CSMD1: variants seen among roughly 807,000 people sequenced by gnomAD.
CSMD1 encodes CUB and sushi domain-containing protein 1.
CSMD1 carries 213 observed loss-of-function variants against 417.5 expected under a neutral mutation model. That is an observed-to-expected ratio of 0.51 (90% CI 0.46 to 0.57). The LOEUF (loss-of-function observed/expected upper bound fraction) is 0.57. CSMD1 is among the 20% of genes least tolerant of loss of function. The pLI is 0.00. For missense variants in CSMD1, 6,923 were observed against 4,529.7 expected, an observed-to-expected ratio of 1.53 and a Z score of -15.17; for synonymous variants, 2,862 against 1,736.8, an observed-to-expected ratio of 1.65 and a Z score of -16.11.
At chr8:3,244,926 G>A (rs911293043) in intron 26 of CSMD1, among the ~76,000 whole-genome samples, 18 of 152,130 alleles carry the variant, frequency 1.2e-4, no homozygotes, top group African/African-American at 4.3e-4. Context: ...AAGTAAAACT[G>A]ACTCCCTTCG....
rs191779969 is a variant in CSMD1 at position 3,531,298 on chromosome 8, G to C, written c.1345-37572C>G. Among the ~76,000 whole-genome samples, 5 of 152,194 alleles carry C rather than the reference G, an allele frequency of 3.3e-5. No individual in the cohort carries two copies. In the East Asian group the frequency reaches 9.6e-4, roughly 29 times the overall value. Reference sequence around the variant, plus strand: ...ATTAATTATTATTATTTGTTGTTGTGTGAGTACTAGTAATCAAAACCTTTA... The same window carrying C: ...ATTAATTATTATTATTTGTTGTTGTCTGAGTACTAGTAATCAAAACCTTTA... On this transcript the variant is annotated intron_variant, in intron 10 of 69. Coordinates refer to ENST00000635120, the MANE Select transcript of CSMD1 (RefSeq NM_033225.6).
chr8:4,303,847 G>C (rs918106498), intron 3 of CSMD1, among the ~76,000 whole-genome samples: 3 of 151,970 alleles, frequency 2.0e-5, no homozygotes, highest in Non-Finnish European at 4.4e-5. Context: ...AGTAGAGACA[G>C]GGTTTCACTA....
Position 3,348,046 on chromosome 8 carries a change from C to T in CSMD1, c.3420G>A (p.Lys1140=), listed in dbSNP as rs1282549982. 4 of 1,610,666 alleles carry T rather than the reference C, an allele frequency of 2.5e-6. No homozygotes were observed. In the Middle Eastern group the frequency reaches 5.0e-4, roughly 199 times the overall value. ...CIYKIETEAG[K]GIHLRTRSFQ... ...AGCTTCGTGTTCTAAGGTGGATGCC[C>T]TTGCCGGCTTCTGTTTCTATTTTAT... The change falls in exon 22 of 70, where the codon AAG becomes AAA. Residue 1140 remains lysine, a synonymous_variant. Coordinates refer to ENST00000635120, the MANE Select transcript of CSMD1 (RefSeq NM_033225.6).
chr8:4,872,916 CAT>C (rs1802817561), intron 1 of CSMD1, among the ~76,000 whole-genome samples: 1 of 151,992 alleles, frequency 6.6e-6, no homozygotes, highest in Non-Finnish European at 1.5e-5. Context: ...AATTTTTTGA[CAT>C]ATGTTTTATT....
At chr8:3,916,751 A>T (rs1158425111) in intron 5 of CSMD1, among the ~76,000 whole-genome samples, 1 of 152,166 alleles carries the variant, frequency 6.6e-6, no homozygotes, top group Non-Finnish European at 1.5e-5. Flanking sequence ...ATGTGTCACA[A>T]AACTAGAGAG....
At chr8:3,159,355 T>C (rs1006099782) in intron 38 of CSMD1, among the ~76,000 whole-genome samples, 5 of 152,172 alleles carry the variant, frequency 3.3e-5, no homozygotes, top group African/African-American at 9.6e-5. Flanking sequence ...TTTACACCAA[T>C]GGGAATTTTC....
At chr8:3,711,847 T>C (rs1367455168) in intron 6 of CSMD1, among the ~76,000 whole-genome samples, 1 of 152,016 alleles carries the variant, frequency 6.6e-6, no homozygotes, top group Non-Finnish European at 1.5e-5. Flanking sequence ...CAATGGGAAA[T>C]AATAAAGAGC....
chr8:4,830,419 T>A (rs1158720637), intron 1 of CSMD1, among the ~76,000 whole-genome samples: 1 of 152,228 alleles, frequency 6.6e-6, no homozygotes, highest in South Asian at 2.1e-4. Context: ...ACTGAACTTG[T>A]ATGTTTGGAG....
chr8:3,649,974 G>C (rs1386191398), intron 7 of CSMD1, among the ~76,000 whole-genome samples: 3 of 152,130 alleles, frequency 2.0e-5, no homozygotes, highest in South Asian at 4.2e-4. Flanking sequence ...AATGCTAGGA[G>C]AGGTTAAAAA....
intron 3 of CSMD1, among the ~76,000 whole-genome samples, chr8:4,333,461 T>A (rs1405804097): frequency 6.6e-6 from 1 of 152,138 alleles, no homozygotes; most frequent in Non-Finnish European, 1.5e-5. Flanking sequence ...AGCCTCAGTT[T>A]CCTTATCTTG....
intron 1 of CSMD1, chr8:4,787,266 A>C: frequency 1.7e-6 from 1 of 588,086 alleles, no homozygotes; most frequent in Non-Finnish European, 3.1e-6. Context: ...CTCTCTGATC[A>C]CCCCTCTTTT....
intron 1 of CSMD1, among the ~76,000 whole-genome samples, chr8:4,903,661 T>G (rs1380515556): frequency 6.6e-6 from 1 of 152,202 alleles, no homozygotes; most frequent in Non-Finnish European, 1.5e-5. Flanking sequence ...AAGCAAGTTA[T>G]TCAGGACTAA....
intron 1 of CSMD1, among the ~76,000 whole-genome samples, chr8:4,884,700 G>C (rs1173535987): frequency 2.0e-5 from 3 of 151,974 alleles, no homozygotes; most frequent in South Asian, 4.2e-4. Context: ...GTTTATTTTT[G>C]GACTCTCAGT....
At chr8:4,377,386 G>A (rs184184649) in intron 3 of CSMD1, among the ~76,000 whole-genome samples, 7 of 152,230 alleles carry the variant, frequency 4.6e-5, no homozygotes, top group African/African-American at 1.2e-4. Context: ...TCTTTTAGTC[G>A]TTATATCTAA....
intron 5 of CSMD1, among the ~76,000 whole-genome samples, chr8:3,937,078 G>C (rs1020033480): frequency 6.6e-6 from 1 of 152,160 alleles, no homozygotes; most frequent in African/African-American, 2.4e-5. Context: ...ATTAGAAGTA[G>C]AACTGAATTG....
rs1804810625 is a variant in CSMD1, at chr8:3,306,021, C to G, written c.3950+1674G>C. ...TCTATTGTAGCAGCAGAAACACCAT[C>G]CTAAGATGTTTGCATTCTAGATATG... is the stretch of plus-strand genomic sequence containing the variant. On this transcript the variant is annotated intron_variant, in intron 25 of 69. Coordinates refer to ENST00000635120, the MANE Select transcript of CSMD1 (RefSeq NM_033225.6). 1.3e-5 allele frequency among the ~76,000 whole-genome samples: 2 copies of G among 152,168 alleles called. 1 individual carries two copies. Among genetic ancestry groups the G allele is most frequent in the South Asian group, 4.1e-4 (2 of 4,830 alleles).
At chr8:3,615,997 G>C (rs73491474) in intron 8 of CSMD1, among the ~76,000 whole-genome samples, 2 of 152,060 alleles carry the variant, frequency 1.3e-5, no homozygotes, top group South Asian at 2.1e-4. Flanking sequence ...CATAATCCTA[G>C]TAAAATGATA....
chr8:3,628,752 G>T (rs994089692), intron 7 of CSMD1, among the ~76,000 whole-genome samples: 2 of 152,136 alleles, frequency 1.3e-5, no homozygotes, highest in Non-Finnish European at 2.9e-5. Context: ...ATACGGAAAA[G>T]TGACCAGCGC....
Position 4,116,097 on chromosome 8 carries a change from C to G in CSMD1, c.416-83998G>C, listed in dbSNP as rs530785767. On this transcript the variant is annotated intron_variant, in intron 3 of 69. Transcript: ENST00000635120. ...CACTGCAACCTCCGCCTCCTGGGTT[C>G]AAGCGATTTTCCTACCTCCCAAGTA... is the stretch of plus-strand genomic sequence containing the variant. Among the ~76,000 whole-genome samples, 4 of 151,970 alleles carry G rather than the reference C, an allele frequency of 2.6e-5. No individual in the cohort carries two copies. The South Asian group carries it at 8.3e-4, about 32-fold the overall frequency.
Sources: gnomAD v4.1 joint callset for allele counts (sites outside exome capture counted in the v4.1 genomes callset) on GRCh38, gnomAD v4.1.1 for gene constraint, MANE v1.5 for transcripts, NCBI Gene and HGNC (gene_info 2026-07-23, HGNC 2026-07-21) for gene names.